GPHN: variants seen among roughly 807,000 people sequenced by gnomAD.
GPHN encodes gephyrin.
In GPHN, 17 loss-of-function variants were observed where a neutral mutation model predicts 95.5. That is an observed-to-expected ratio of 0.18 (90% confidence interval 0.12 to 0.27). GPHN has a LOEUF of 0.27. GPHN is among the 10% of genes least tolerant of loss of function. The pLI is 1.00. For synonymous variants in GPHN, 320 were observed against 322.5 expected, an observed-to-expected ratio of 0.99 and a Z score of 0.08; for missense variants, 660 against 978.1, an observed-to-expected ratio of 0.67 and a Z score of 4.34.
At chr14:67,670,395 T>A in the GPHN span, among the ~76,000 whole-genome samples, 1 of 152,162 alleles carries the variant, frequency 6.6e-6, no homozygotes. Flanking sequence ...GTTTTACTCC[T>A]GTGTTGCCTC....
At chr14:67,152,013 GAATC>G (rs1427107874) in intron 18 of GPHN, among the ~76,000 whole-genome samples, 1 of 152,120 alleles carries the variant, frequency 6.6e-6, no homozygotes, top group East Asian at 1.9e-4. Flanking sequence ...TCTGTCCAAT[GAATC>G]AATGGAGCAT....
the GPHN span, among the ~76,000 whole-genome samples, chr14:67,557,656 G>A: frequency 1.8e-4 from 28 of 152,364 alleles, 1 homozygote; most frequent in East Asian, 5.4e-3. Flanking sequence ...TGATCTGGGT[G>A]TGAAGCCCAC....
intron 2 of GPHN, among the ~76,000 whole-genome samples, chr14:66,687,882 T>C (rs568259742): frequency 6.6e-6 from 1 of 152,228 alleles, no homozygotes; most frequent in East Asian, 1.9e-4. Flanking sequence ...CTTGTTTGTG[T>C]AGAGATCTTT....
chr14:66,603,101 G>C (rs1692200795), intron 1 of GPHN, among the ~76,000 whole-genome samples: 2 of 151,512 alleles, frequency 1.3e-5, no homozygotes, highest in South Asian at 4.2e-4. Context: ...CTTAAACATG[G>C]GATCATATTT....
chr14:66,907,985 A>G (rs546135368), intron 5 of GPHN, among the ~76,000 whole-genome samples: 1 of 152,222 alleles, frequency 6.6e-6, no homozygotes, highest in Admixed American at 6.5e-5. Context: ...TAGCTTTAAC[A>G]TAGATACAAA....
intron 2 of GPHN, among the ~76,000 whole-genome samples, chr14:66,703,228 G>A (rs117934005): frequency 0.013 from 2,027 of 152,246 alleles, 21 homozygotes; most frequent in Middle Eastern, 0.02. Context: ...CACACTTCAG[G>A]ATAATATCCA....
Position 67,023,641 on chromosome 14 carries a change from C to G in GPHN, c.972C>G (p.Ser324=). ...TASCPTPKVQ[S]RCSSKENILR... is the part of the protein sequence containing the mutation. Reference sequence around the variant, plus strand: ...TTATGCTCTTTCTACAGGTCCAGTCCAGGTGCAGCAGCAAGGAGAACATTC... The same window carrying G: ...TTATGCTCTTTCTACAGGTCCAGTCGAGGTGCAGCAGCAAGGAGAACATTC... The change falls in exon 10 of 23, where the codon TCC becomes TCG. Residue 324 remains serine (S), a synonymous_variant. Transcript: ENST00000478722. 1 of 1,613,222 alleles carries G rather than the reference C, an allele frequency of 6.2e-7. No homozygotes were observed. The highest frequency in any genetic ancestry group is 8.5e-7 in the Non-Finnish European group (1 of 1,179,348).
chr14:67,232,747 G>GA, the GPHN span, among the ~76,000 whole-genome samples: 13 of 151,830 alleles, frequency 8.6e-5, no homozygotes, highest in South Asian at 1.7e-3. Context: ...AACTTAAAAG[G>GA]AAAAAAAATC....
At chr14:67,535,370 CTTTTT>C in the GPHN span, among the ~76,000 whole-genome samples, 1 of 74,192 alleles carries the variant, frequency 1.3e-5, no homozygotes, top group African/African-American at 6.1e-5. Flanking sequence ...GTGAGCACAT[CTTTTT>C]TTTTTTTTTT....
chr14:66,994,558 A>G (rs1305318011), intron 9 of GPHN, among the ~76,000 whole-genome samples: 1 of 152,208 alleles, frequency 6.6e-6, no homozygotes, highest in Non-Finnish European at 1.5e-5. Flanking sequence ...AAGATAAAGT[A>G]CTAATAAAAT....
the GPHN span, chr14:67,587,213 C>T: frequency 6.2e-7 from 1 of 1,613,808 alleles, no homozygotes; most frequent in Non-Finnish European, 8.5e-7. Context: ...TCCTGTGCTA[C>T]CAAGGGGCCA....
At chr14:67,638,394 A>T in the GPHN span, among the ~76,000 whole-genome samples, 1 of 152,104 alleles carries the variant, frequency 6.6e-6, no homozygotes, top group Non-Finnish European at 1.5e-5. Context: ...AAAAATGATT[A>T]AAGTCTGAAA....
At chr14:67,626,067 A>C in the GPHN span, among the ~76,000 whole-genome samples, 2 of 152,154 alleles carry the variant, frequency 1.3e-5, no homozygotes, top group African/African-American at 4.8e-5. Flanking sequence ...AGCCTGATCA[A>C]CATGGTGAAA....
chr14:66,836,340 G>A (rs1201476370), intron 4 of GPHN, among the ~76,000 whole-genome samples: 2 of 141,008 alleles, frequency 1.4e-5, no homozygotes, highest in African/African-American at 5.7e-5. Flanking sequence ...CAAGCAATGG[G>A]GAAAGGATTC....
Position 66,780,221 on chromosome 14 carries a change from T to G in GPHN, c.201+3700T>G, listed in dbSNP as rs148065372. The stretch of plus-strand genomic sequence containing the variant: ...TTGGACTTACTGAGTTTGAGGTCCC[T>G]CTCAGATTACCAAATATCCAATAAG... On this transcript the variant is annotated intron_variant, in intron 3 of 22. Transcript: ENST00000478722. Among the ~76,000 whole-genome samples the G allele has an allele frequency of 5.5e-4, 84 of 152,204 alleles. No homozygotes were observed. In the East Asian group the frequency reaches 0.01, roughly 19 times the overall value.
At chr14:66,800,064 A>C (rs562432595) in intron 3 of GPHN, among the ~76,000 whole-genome samples, 102 of 152,236 alleles carry the variant, frequency 6.7e-4, no homozygotes, top group African/African-American at 2.3e-3. Flanking sequence ...ATAAACAAAC[A>C]AGCAAGCAAG....
At chr14:67,397,471 C>T in the GPHN span, among the ~76,000 whole-genome samples, 3 of 152,238 alleles carry the variant, frequency 2.0e-5, no homozygotes, top group Non-Finnish European at 2.9e-5. Context: ...AGATGAGGAA[C>T]GAAGGCTCAG....
the GPHN span, chr14:67,575,915 C>T: frequency 4.3e-6 from 7 of 1,613,684 alleles, no homozygotes; most frequent in Non-Finnish European, 5.9e-6. Flanking sequence ...CTGGAGGAAC[C>T]AGACGGTTGC....
chr14:67,238,826 A>G, the GPHN span, among the ~76,000 whole-genome samples: 2 of 151,944 alleles, frequency 1.3e-5, no homozygotes, highest in Admixed American at 6.6e-5. Context: ...TATTTTTTGT[A>G]GAGATGGGTT....
Sources: allele counts gnomAD v4.1 joint callset (sites outside exome capture counted in the v4.1 genomes callset), GRCh38; gene constraint gnomAD v4.1.1; transcripts MANE v1.5; gene names NCBI Gene and HGNC (gene_info 2026-07-23, HGNC 2026-07-21).